EXPH5: variants seen among roughly 807,000 people sequenced by gnomAD.
EXPH5 encodes exophilin-5.
EXPH5 carries 42 observed loss-of-function variants against 41.1 expected under a neutral mutation model. The observed-to-expected ratio is 1.02, with a 90% CI of 0.80 to 1.32. The LOEUF (loss-of-function observed/expected upper bound fraction) is 1.32. EXPH5 is among the 40% of genes most tolerant of loss of function. The probability of loss-of-function intolerance (pLI) is 0.00; values close to 1 mark genes in which losing one functional copy is unlikely to be tolerated. For missense variants in EXPH5, 2,298 were observed against 2,314.5 expected, an observed-to-expected ratio of 0.99 and a Z score of 0.15; for synonymous variants, 798 against 833.5, an observed-to-expected ratio of 0.96 and a Z score of 0.73.
intron 1 of EXPH5, among the ~76,000 whole-genome samples, chr11:108,557,593 TCTC>T (rs1161664321): frequency 2.0e-5 from 3 of 152,130 alleles, no homozygotes; most frequent in Middle Eastern, 3.4e-3. Context: ...AGTGATTCGT[TCTC>T]CTCAGCCTCC....
rs2093642628 is a variant in EXPH5, at chr11:108,506,071, A to C, written c.*3466T>G. On this transcript the variant is annotated 3_prime_UTR_variant, in exon 6 of 6. Coordinates refer to ENST00000265843, the MANE Select transcript of EXPH5 (RefSeq NM_015065.3). ...GGTTATAGAAATCTAGTATCTAAAC[A>C]AGTTTATAATTTATAAGGTATTTAT... The C allele has an allele frequency of 6.6e-6, 1 of 152,210 alleles. No homozygotes were observed. The highest frequency in any genetic ancestry group is 2.4e-5 in the African/African-American group (1 of 41,446). 9.4% of individuals were successfully genotyped at this position (152,210 alleles called of 1,614,324 possible). A position where few individuals can be genotyped will look rare whatever the true frequency, so the allele number is the denominator to read the frequency against.
rs367974776 is a variant in EXPH5, at chr11:108,593,516, C to T, written c.21G>A (p.Ala7=). Residue 7 remains alanine, a synonymous_variant, in exon 1 of 6, where the codon GCG becomes GCA. Transcript: ENST00000265843. The part of the protein sequence containing the change: MTKVPP[A]FDFSFLNDEE... ...CGTCATTTAAGAAACTGAAATCAAACGCCGGAGGAACTTTCGTCATTTTCT... is the reference window on the plus strand; with the variant it reads ...CGTCATTTAAGAAACTGAAATCAAATGCCGGAGGAACTTTCGTCATTTTCT... 8 of 1,614,076 alleles carry T rather than the reference C, an allele frequency of 5.0e-6. No homozygotes were observed. In the African/African-American group the frequency reaches 9.3e-5, roughly 19 times the overall value.
intron 1 of EXPH5, among the ~76,000 whole-genome samples, chr11:108,579,021 C>T (rs1468604261): frequency 6.6e-6 from 1 of 152,132 alleles, no homozygotes; most frequent in East Asian, 1.9e-4. Context: ...ATTGCTCTAG[C>T]TAGGACTTCC....
chr11:108,527,782 A>T (rs751243085), intron 4 of EXPH5, among the ~76,000 whole-genome samples: 1 of 152,164 alleles, frequency 6.6e-6, no homozygotes, highest in Non-Finnish European at 1.5e-5. Context: ...CTCAGAAAGG[A>T]TCTGGTGCAA....
Position 108,512,255 on chromosome 11 carries a change from G to T in EXPH5, c.3252C>A (p.Val1084=). 6.2e-7 allele frequency: 1 copy of T among 1,612,208 alleles called. No individual in the cohort carries two copies. Among genetic ancestry groups the T allele is most frequent in the Non-Finnish European group, 8.5e-7 (1 of 1,179,406 alleles). ...SPESANECSK[V]LSDSALEAPE... Reference sequence around the variant, plus strand: ...GTGCTTCCAGGGCTGAGTCTGAAAGGACTTTGGAACATTCATTCGCTGACT... The same window carrying T: ...GTGCTTCCAGGGCTGAGTCTGAAAGTACTTTGGAACATTCATTCGCTGACT... The change falls in exon 6 of 6, where the codon GTC becomes GTA. Residue 1084 remains valine, a synonymous_variant. Coordinates refer to ENST00000265843, the MANE Select transcript of EXPH5 (RefSeq NM_015065.3).
chr11:108,573,198 A>AAGAAAGAAAGAAAGAGAAAG (rs1456627760), intron 1 of EXPH5, among the ~76,000 whole-genome samples: 11 of 108,278 alleles, frequency 1.0e-4, no homozygotes, highest in South Asian at 8.9e-4. Flanking sequence ...GAAAGAAAGA[A>AAGAAAGAAAGAAAGAGAAAG]AAAGAAAGAA....
Position 108,514,563 on chromosome 11 carries a change from G to T in EXPH5, c.944C>A (p.Thr315Asn). 1 of 1,614,028 alleles carries T rather than the reference G, an allele frequency of 6.2e-7. No homozygotes were observed. The highest frequency in any genetic ancestry group is 8.5e-7 in the Non-Finnish European group (1 of 1,179,954). The change falls in exon 6 of 6, where the codon ACT (threonine) becomes AAT (asparagine). Residue 315 changes from threonine (T) to asparagine (N), a missense_variant. Transcript: ENST00000265843. Reference protein sequence around the residue: ...VFKEDYVQKNTFGSTSLCFDS... With the variant: ...VFKEDYVQKNNFGSTSLCFDS... ...AAAACACAGCGAAGTACTGCCAAAA[G>T]TATTCTTTTGCACATAATCTTCTTT... is the stretch of plus-strand genomic sequence containing the variant.
intron 1 of EXPH5, among the ~76,000 whole-genome samples, chr11:108,578,413 C>T (rs2094086768): frequency 6.6e-6 from 1 of 152,136 alleles, no homozygotes; most frequent in East Asian, 1.9e-4. Context: ...CATGCCAGTA[C>T]CATGTTATTT....
Position 108,513,678 on chromosome 11 carries a change from A to G in EXPH5, c.1829T>C (p.Ile610Thr), listed in dbSNP as rs115982109. The change falls in exon 6 of 6, where the codon ATA becomes ACA. Residue 610 changes from isoleucine to threonine, a missense_variant. By Grantham distance (89) the Ile-to-Thr change is moderately conservative. Transcript: ENST00000265843. ...TCCAAATGAGGAAGCTTCTTTGTTT[A>G]TATGTACTTCTACAGGAGAACTGTC... Reference protein sequence around the residue: ...QQDSSPVEVHINKEASSFGIA... With the variant: ...QQDSSPVEVHTNKEASSFGIA... 2.4e-4 allele frequency: 382 copies of G among 1,612,468 alleles called. 4 individuals are homozygous for G. The African/African-American group carries it at 3.9e-3, about 16-fold the overall frequency.
intron 4 of EXPH5, among the ~76,000 whole-genome samples, chr11:108,519,007 A>G (rs2093746535): frequency 1.3e-5 from 2 of 152,210 alleles, no homozygotes; most frequent in Admixed American, 6.5e-5. Context: ...TTAGCATAAT[A>G]CCATCAAAAA....
intron 3 of EXPH5, among the ~76,000 whole-genome samples, chr11:108,537,161 C>G (rs931171720): frequency 4.6e-5 from 7 of 152,180 alleles, no homozygotes; most frequent in Non-Finnish European, 1.0e-4. Flanking sequence ...TATCACCTGT[C>G]GTAATACAAT....
intron 1 of EXPH5, among the ~76,000 whole-genome samples, chr11:108,549,179 G>T (rs555262502): frequency 6.6e-6 from 1 of 152,200 alleles, no homozygotes. Context: ...TATCACAAGG[G>T]ACTGTTGTCT....
At chr11:108,583,907 A>G (rs909330039) in intron 1 of EXPH5, among the ~76,000 whole-genome samples, 1 of 152,226 alleles carries the variant, frequency 6.6e-6, no homozygotes, top group Non-Finnish European at 1.5e-5. Context: ...GGCCATGTAG[A>G]AAATCACCCA....
intron 5 of EXPH5, among the ~76,000 whole-genome samples, chr11:108,516,730 A>G (rs2093729153): frequency 6.6e-6 from 1 of 152,204 alleles, no homozygotes; most frequent in Non-Finnish European, 1.5e-5. Context: ...GTACAACCAA[A>G]AGAAAAACTG....
chr11:108,570,313 G>A (rs1159947092), intron 1 of EXPH5, among the ~76,000 whole-genome samples: 1 of 152,030 alleles, frequency 6.6e-6, no homozygotes. Context: ...GGAGTGCAGT[G>A]GTACAATCTT....
chr11:108,539,475 AG>A (rs1350299885), intron 2 of EXPH5, among the ~76,000 whole-genome samples: 6 of 152,332 alleles, frequency 3.9e-5, no homozygotes, highest in African/African-American at 1.4e-4. Context: ...CTAGGAAATC[AG>A]GGACCCCATT....
At chr11:108,569,350 A>AT (rs921197405) in intron 1 of EXPH5, among the ~76,000 whole-genome samples, 1 of 149,438 alleles carries the variant, frequency 6.7e-6, no homozygotes, top group Non-Finnish European at 1.5e-5. Context: ...TTATTTTCTT[A>AT]TTTTTTGGAG....
intron 1 of EXPH5, among the ~76,000 whole-genome samples, chr11:108,562,880 A>G (rs865966433): frequency 1.1e-4 from 16 of 152,220 alleles, no homozygotes; most frequent in Admixed American, 7.9e-4. Flanking sequence ...CTGTGTGTGT[A>G]CATATGTTCA....
intron 3 of EXPH5, among the ~76,000 whole-genome samples, chr11:108,536,248 A>G (rs1301194349): frequency 6.6e-6 from 1 of 151,634 alleles, no homozygotes; most frequent in Admixed American, 6.6e-5. Flanking sequence ...GGAGCAAATC[A>G]TATTTGAGGC....
Sources: allele counts gnomAD v4.1 joint callset (sites outside exome capture counted in the v4.1 genomes callset), GRCh38; gene constraint gnomAD v4.1.1; transcripts MANE v1.5; gene names NCBI Gene and HGNC (gene_info 2026-07-23, HGNC 2026-07-21).